Variants in WWOX observed in about 807,000 individuals in gnomAD.
WWOX encodes the protein WW domain containing oxidoreductase, also known as WW domain-containing oxidoreductase.
In WWOX, 69 loss-of-function variants were observed where a neutral mutation model predicts 46.2. The observed-to-expected ratio is 1.49, with a 90% confidence interval of 1.23 to 1.82. The LOEUF is 1.82. Ranked by LOEUF, WWOX falls within the 40% of genes most tolerant of loss-of-function variation. The pLI is 0.00. For synonymous variants in WWOX, 359 were observed against 202.6 expected (o/e 1.77, Z -6.56); for missense variants, 919 against 542.6 (o/e 1.69, Z -6.89).
intron 8 of WWOX, among the ~76,000 whole-genome samples, chr16:78,829,538 C>G (rs1028672885): frequency 6.6e-6 from 1 of 152,118 alleles, no homozygotes; most frequent in Non-Finnish European, 1.5e-5. Flanking sequence ...GTGGCCCAGT[C>G]AAGTTGACAC....
At chr16:78,979,151 C>G (rs1199421523) in intron 8 of WWOX, among the ~76,000 whole-genome samples, 4 of 147,162 alleles carry the variant, frequency 2.7e-5, no homozygotes, top group Non-Finnish European at 1.5e-5. Flanking sequence ...TCACTTGGGT[C>G]TTATCTTGTT....
chr16:79,203,467 C>A (rs2051406977), intron 8 of WWOX: 1 of 151,380 alleles, frequency 6.6e-6, no homozygotes, highest in African/African-American at 2.4e-5. Context: ...AATTCCTTCC[C>A]ATGATGTGGC....
chr16:78,367,424 A>C (rs1417103736), intron 5 of WWOX, among the ~76,000 whole-genome samples: 1 of 151,076 alleles, frequency 6.6e-6, no homozygotes, highest in Non-Finnish European at 1.5e-5. Flanking sequence ...TTTTTTTTTC[A>C]ACTCATCAGC....
At chr16:78,430,332 A>G (rs188783439) in intron 7 of WWOX, among the ~76,000 whole-genome samples, 13 of 152,288 alleles carry the variant, frequency 8.5e-5, no homozygotes, top group Admixed American at 7.2e-4. Context: ...GGGTGGGGAC[A>G]CAGCCGAACC....
At chr16:78,314,581 A>AT (rs1308409196) in intron 5 of WWOX, among the ~76,000 whole-genome samples, 5 of 143,730 alleles carry the variant, frequency 3.5e-5, no homozygotes, top group African/African-American at 1.3e-4. Context: ...CTGGAGTGTA[A>AT]TGGCGTGATA....
At chr16:78,862,001 G>C (rs916622930) in intron 8 of WWOX, among the ~76,000 whole-genome samples, 2 of 152,124 alleles carry the variant, frequency 1.3e-5, no homozygotes. Context: ...TACTATATGT[G>C]TGTGTGTATC....
At chr16:79,055,363 C>T (rs976970061) in intron 8 of WWOX, among the ~76,000 whole-genome samples, 1 of 152,176 alleles carries the variant, frequency 6.6e-6, no homozygotes, top group Non-Finnish European at 1.5e-5. Context: ...TCCCTTGTAT[C>T]TAGGCTGCAC....
chr16:78,419,683 A>G (rs1412485417), intron 6 of WWOX, among the ~76,000 whole-genome samples: 2 of 151,328 alleles, frequency 1.3e-5, no homozygotes, highest in African/African-American at 4.9e-5. Context: ...AGCTAAAACT[A>G]TACAACTCTT....
rs149436281 is a variant in WWOX at position 78,702,509 on chromosome 16, G to C, written c.1056+269757G>C. ...CTACTAAAAATACAAAAATTAGCCA[G>C]GCACAGTGGCTCATGTCTGTAATCC... is the stretch of plus-strand genomic sequence containing the variant. On this transcript the variant is annotated intron_variant, in intron 8 of 8. Coordinates refer to ENST00000566780, the MANE Select transcript of WWOX (RefSeq NM_016373.4). Among the ~76,000 whole-genome samples the C allele has an allele frequency of 7.2e-3, 1,093 of 151,836 alleles. 11 individuals are homozygous for C. Among genetic ancestry groups the C allele is most frequent in the African/African-American group, 0.026 (1,056 of 41,368 alleles).
intron 8 of WWOX, among the ~76,000 whole-genome samples, chr16:78,738,911 T>A (rs546558812): frequency 6.6e-6 from 1 of 152,294 alleles, no homozygotes; most frequent in East Asian, 1.9e-4. Flanking sequence ...GTAGTGCTGA[T>A]CATTTGCCTT....
At chr16:78,924,336 T>C (rs1026948454) in intron 8 of WWOX, among the ~76,000 whole-genome samples, 1 of 152,174 alleles carries the variant, frequency 6.6e-6, no homozygotes, top group African/African-American at 2.4e-5. Flanking sequence ...TTAAACTTTG[T>C]TTGAAAAATG....
At chr16:78,224,806 G>C (rs1340294341) in intron 5 of WWOX, among the ~76,000 whole-genome samples, 1 of 152,204 alleles carries the variant, frequency 6.6e-6, no homozygotes, top group African/African-American at 2.4e-5. Flanking sequence ...AGTAGTAAGA[G>C]AAAGGTAGAA....
Position 78,908,125 on chromosome 16 carries a change from G to T in WWOX, c.1057-303483G>T, listed in dbSNP as rs952668458. 2.0e-5 allele frequency among the ~76,000 whole-genome samples: 3 copies of T among 152,244 alleles called. No homozygotes were observed. In the South Asian group the frequency reaches 6.2e-4, roughly 32 times the overall value. ...TCATTTCCTCAAAGTTTTACACCAG[G>T]ATTCTATGGCCAAGTGTGTGGCAGT... On this transcript the variant is annotated intron_variant, in intron 8 of 8. Transcript: ENST00000566780.
intron 8 of WWOX, among the ~76,000 whole-genome samples, chr16:78,866,865 C>G (rs549507229): frequency 5.8e-4 from 88 of 152,324 alleles, no homozygotes; most frequent in South Asian, 2.9e-3. Flanking sequence ...TAGGTGACCA[C>G]ACTCAGAAGC....
At chr16:79,025,402 G>C (rs934630092) in intron 8 of WWOX, among the ~76,000 whole-genome samples, 4 of 152,152 alleles carry the variant, frequency 2.6e-5, no homozygotes, top group Non-Finnish European at 4.4e-5. Context: ...CTCAAAACGA[G>C]GTCATCTTGG....
chr16:78,743,590 A>G (rs1425927436), intron 8 of WWOX, among the ~76,000 whole-genome samples: 2 of 152,174 alleles, frequency 1.3e-5, no homozygotes, highest in Non-Finnish European at 2.9e-5. Context: ...AAGTTATAAA[A>G]GGACCAGAGG....
chr16:78,802,204 T>TTTTTTTTTTTTTTTTTTTTTTTTGG (rs1185648712), intron 8 of WWOX, among the ~76,000 whole-genome samples: 1 of 14,962 alleles, frequency 6.7e-5, no homozygotes, highest in Non-Finnish European at 2.1e-4. Context: ...TTGTTTAGGT[T>TTTTTTTTTTTTTTTTTTTTTTTTGG]TTTTTTTTTT....
intron 8 of WWOX, among the ~76,000 whole-genome samples, chr16:78,786,143 C>T (rs1862452374): frequency 1.3e-5 from 2 of 152,184 alleles, no homozygotes; most frequent in African/African-American, 4.8e-5. Context: ...CTCCTGCCCT[C>T]CGGTGATCTG....
intron 6 of WWOX, among the ~76,000 whole-genome samples, chr16:78,413,124 GA>G (rs2082721130): frequency 6.6e-6 from 1 of 152,168 alleles, no homozygotes; most frequent in African/African-American, 2.4e-5. Flanking sequence ...ACTGCAAATA[GA>G]GAAAGAATTT....
Sources: gnomAD v4.1 joint callset for allele counts (sites outside exome capture counted in the v4.1 genomes callset) on GRCh38, gnomAD v4.1.1 for gene constraint, MANE v1.5 for transcripts, NCBI Gene and HGNC (gene_info 2026-07-23, HGNC 2026-07-21) for gene names.